Variants in RFFL observed in about 807,000 individuals in gnomAD.
The protein encoded by RFFL is E3 ubiquitin-protein ligase rififylin.
In RFFL, 16 loss-of-function variants were observed where a neutral mutation model predicts 40.4. That is an observed-to-expected ratio of 0.40 (90% CI 0.27 to 0.60). The LOEUF (loss-of-function observed/expected upper bound fraction) is 0.60, where lower values mean the gene tolerates loss of function less well. Among genes scored for constraint, RFFL ranks in the 20% least tolerant of loss-of-function variants. The pLI is 0.47. For synonymous variants in RFFL, 154 were observed against 167.9 expected, an observed-to-expected ratio of 0.92 and a Z score of 0.64; for missense variants, 367 against 451.7, an observed-to-expected ratio of 0.81 and a Z score of 1.70.
At chr17:35,078,923 T>A (rs892222047) in intron 1 of RFFL, among the ~76,000 whole-genome samples, 3 of 148,872 alleles carry the variant, frequency 2.0e-5, no homozygotes, top group African/African-American at 7.5e-5. Context: ...GAGGTTGCAG[T>A]GAGCCAAGAT....
Position 35,021,670 on chromosome 17 carries a change from G to A in RFFL, c.292C>T (p.Arg98Ter), listed in dbSNP as rs1284613294. 5.0e-6 allele frequency: 8 copies of A among 1,614,212 alleles called. No individual in the cohort carries two copies. The highest frequency in any genetic ancestry group is 1.1e-5 in the South Asian group (1 of 91,086). Residue 98 changes from arginine (R) to a stop codon, truncating the protein, a stop_gained, in exon 3 of 7, where the codon CGA (arginine) becomes TGA (stop). Coordinates refer to ENST00000394597, the MANE Select transcript of RFFL (RefSeq NM_001017368.2). LOFTEE classifies it high-confidence loss of function. ...CQRFRATAFQ[R>*]EELMKMKVKD... ...ACCTTCATCTTCATGAGCTCCTCTC[G>A]CTGAAAGGCTGTAGCTCGAAACCGT...
chr17:35,020,184 T>C (rs981062023), intron 3 of RFFL, among the ~76,000 whole-genome samples: 2 of 152,178 alleles, frequency 1.3e-5, no homozygotes, highest in African/African-American at 4.8e-5. Context: ...AAGAAGTCAG[T>C]GACAAAAGTG....
intron 1 of RFFL, among the ~76,000 whole-genome samples, chr17:35,038,442 C>T (rs1017743033): frequency 6.6e-6 from 1 of 152,250 alleles, no homozygotes; most frequent in Non-Finnish European, 1.5e-5. Context: ...TGCAATTCTG[C>T]TTCCAGGCAT....
At chr17:35,061,369 A>G (rs960143204) in intron 1 of RFFL, among the ~76,000 whole-genome samples, 3 of 152,172 alleles carry the variant, frequency 2.0e-5, no homozygotes, top group Non-Finnish European at 4.4e-5. Context: ...AAGATGTCAG[A>G]AAATGGTGGT....
At chr17:35,031,326 C>A (rs2091081666) in intron 1 of RFFL, among the ~76,000 whole-genome samples, 1 of 151,948 alleles carries the variant, frequency 6.6e-6, no homozygotes, top group African/African-American at 2.4e-5. Context: ...AGGCTGGTCT[C>A]AAACTCCTGA....
chr17:35,076,654 G>C (rs952409834), intron 1 of RFFL: 5 of 144,220 alleles, frequency 3.5e-5, no homozygotes, highest in African/African-American at 1.3e-4. Flanking sequence ...CTCCAGCCTG[G>C]GCAACAAGAA....
chr17:35,027,747 G>A (rs2091052507), intron 1 of RFFL, among the ~76,000 whole-genome samples: 1 of 137,776 alleles, frequency 7.3e-6, no homozygotes. Flanking sequence ...AAAAAAAAGT[G>A]TTGGGCCAGG....
Position 35,020,635 on chromosome 17 carries a change from C to T in RFFL, c.591+736G>A, listed in dbSNP as rs185372102. 3.6e-4 allele frequency among the ~76,000 whole-genome samples: 55 copies of T among 152,140 alleles called. No homozygotes were observed. In the Middle Eastern group the frequency reaches 0.01, roughly 28 times the overall value. On this transcript the variant is annotated intron_variant, in intron 3 of 6. Coordinates refer to ENST00000394597, the MANE Select transcript of RFFL (RefSeq NM_001017368.2). ...TTAAGGCACTTATGCAACATCATCA[C>T]TTCTTATACAACAATTATGTCCACT...
At chr17:35,049,820 G>A (rs1193828414) in intron 1 of RFFL, among the ~76,000 whole-genome samples, 2 of 151,986 alleles carry the variant, frequency 1.3e-5, no homozygotes, top group Non-Finnish European at 2.9e-5. Context: ...GGTAGCTCAC[G>A]CCTGTAATCC....
chr17:35,031,824 G>A (rs955169863), intron 1 of RFFL, among the ~76,000 whole-genome samples: 25 of 151,962 alleles, frequency 1.6e-4, no homozygotes, highest in Admixed American at 1.2e-3. Context: ...AGCTGGGCGC[G>A]GTGGCTCACG....
chr17:35,014,087 C>G (rs2090958024), intron 6 of RFFL, among the ~76,000 whole-genome samples: 1 of 152,192 alleles, frequency 6.6e-6, no homozygotes, highest in South Asian at 2.1e-4. Flanking sequence ...ACCATATACC[C>G]TTGAGGCTTT....
At chr17:35,048,349 C>A (rs1268009006) in intron 1 of RFFL, among the ~76,000 whole-genome samples, 6 of 151,750 alleles carry the variant, frequency 4.0e-5, no homozygotes, top group Non-Finnish European at 1.5e-5. Context: ...TTGCAGTGAG[C>A]CGAGATCACG....
intron 2 of RFFL, 82 bp downstream of exon 2, chr17:35,026,292 G>T: frequency 2.2e-6 from 3 of 1,341,172 alleles, no homozygotes; most frequent in Admixed American, 2.1e-5. Context: ...AGGAAAGGTT[G>T]CAGGCATTCA....
intron 1 of RFFL, among the ~76,000 whole-genome samples, chr17:35,030,290 T>A (rs979277696): frequency 6.7e-6 from 1 of 149,548 alleles, no homozygotes; most frequent in Non-Finnish European, 1.5e-5. Flanking sequence ...ATGGTTGAAC[T>A]AGTTTACAGT....
upstream of RFFL, among the ~76,000 whole-genome samples, chr17:35,065,302 T>C (rs897130161): frequency 1.8e-4 from 27 of 152,158 alleles, no homozygotes; most frequent in African/African-American, 6.5e-4. Flanking sequence ...ACGCCTATAA[T>C]TGCAGCACTT....
chr17:35,075,996 T>A (rs901107496), intron 1 of RFFL, among the ~76,000 whole-genome samples: 9 of 141,628 alleles, frequency 6.4e-5, no homozygotes, highest in African/African-American at 2.4e-4. Flanking sequence ...CTTTTTTTTT[T>A]TTTTTTTTTT....
At chr17:35,056,699 C>T (rs2091263497) in intron 1 of RFFL, among the ~76,000 whole-genome samples, 1 of 151,742 alleles carries the variant, frequency 6.6e-6, no homozygotes, top group African/African-American at 2.4e-5. Context: ...TTAAATGCAT[C>T]CTGCAACTAT....
At chr17:35,082,117 G>A (rs1241145251) in intron 1 of RFFL, among the ~76,000 whole-genome samples, 3 of 152,218 alleles carry the variant, frequency 2.0e-5, no homozygotes, top group East Asian at 3.9e-4. Flanking sequence ...GTACTAATCA[G>A]CTTTTTTAAC....
intron 1 of RFFL, among the ~76,000 whole-genome samples, chr17:35,053,062 TG>T (rs2091240847): frequency 6.6e-6 from 1 of 152,190 alleles, no homozygotes; most frequent in African/African-American, 2.4e-5. Context: ...ATTGGATAGG[TG>T]GACTGGAGCC....
Sources: allele counts gnomAD v4.1 joint callset (sites outside exome capture counted in the v4.1 genomes callset), GRCh38; gene constraint gnomAD v4.1.1; transcripts MANE v1.5; gene names NCBI Gene and HGNC (gene_info 2026-07-23, HGNC 2026-07-21).